Variants in KPNA6 observed in about 807,000 individuals in gnomAD.
The protein encoded by KPNA6 is karyopherin subunit alpha 6.
In KPNA6, 9 loss-of-function variants were observed where a neutral mutation model predicts 72.0. The observed-to-expected ratio is 0.13, with a 90% CI of 0.08 to 0.22. The LOEUF (loss-of-function observed/expected upper bound fraction) is 0.22. KPNA6 is among the 10% of genes least tolerant of loss of function. The pLI, the probability that KPNA6 is intolerant of heterozygous loss-of-function variation, is 1.00. For missense variants in KPNA6, 374 were observed against 655.7 expected (o/e 0.57, Z 4.69); for synonymous variants, 219 against 242.1 (o/e 0.90, Z 0.89).
At position 32,171,674 on chromosome 1, in the gene KPNA6, G is replaced by A. The variant is rs536150851; in HGVS notation, c.*780G>A. The A allele has an allele frequency of 1.3e-5, 2 of 152,196 alleles. No individual in the cohort carries two copies. The highest frequency in any genetic ancestry group is 2.9e-5 in the Non-Finnish European group (2 of 68,066). The allele number at this position is 152,196 out of a possible 1,614,324, so 9.4% of individuals were successfully genotyped here. ...TGAAGTGTCTCAAGTATACCAGTGG[G>A]AGTGCAGGGGAGGAGCACAGGCCTT... On this transcript the variant is annotated 3_prime_UTR_variant, in exon 14 of 14. Transcript: ENST00000373625.
intron 1 of KPNA6, among the ~76,000 whole-genome samples, chr1:32,117,217 G>T (rs1362403664): frequency 6.7e-6 from 1 of 149,960 alleles, no homozygotes; most frequent in Non-Finnish European, 1.5e-5. Context: ...CTGTCACCCA[G>T]GCTGGAGTGC....
intron 1 of KPNA6, among the ~76,000 whole-genome samples, chr1:32,111,290 C>A (rs892400776): frequency 6.6e-6 from 1 of 152,086 alleles, no homozygotes; most frequent in Non-Finnish European, 1.5e-5. Context: ...AAGATTCTTA[C>A]CCATTTTGCA....
At chr1:32,141,417 A>T (rs1641836007) in intron 1 of KPNA6, among the ~76,000 whole-genome samples, 2 of 20,208 alleles carry the variant, frequency 9.9e-5, no homozygotes, top group African/African-American at 1.6e-4. Context: ...TTTTTTTTTG[A>T]GACGGAGTCT....
chr1:32,164,712 T>C (rs1288931064), intron 10 of KPNA6, among the ~76,000 whole-genome samples: 3 of 149,966 alleles, frequency 2.0e-5, no homozygotes, highest in African/African-American at 7.4e-5. Flanking sequence ...TTTGGACACA[T>C]GTCTATTCAA....
intron 1 of KPNA6, among the ~76,000 whole-genome samples, chr1:32,115,228 C>T (rs1308964453): frequency 2.6e-5 from 4 of 151,942 alleles, no homozygotes; most frequent in Admixed American, 6.6e-5. Context: ...CTCGGCCTCC[C>T]GGGTTCACGC....
rs1334476915 is a variant in KPNA6 at position 32,176,238 on chromosome 1, A to G, written c.*5344A>G. 2 of 152,130 alleles carry G rather than the reference A, an allele frequency of 1.3e-5. No individual in the cohort carries two copies. 9.4% of individuals were successfully genotyped at this position (152,130 alleles called of 1,614,324 possible). On this transcript the variant is annotated 3_prime_UTR_variant, in exon 14 of 14. Coordinates refer to ENST00000373625, the MANE Select transcript of KPNA6 (RefSeq NM_012316.5). ...GAGTCCCAGCCACTCAAGAGACTGG[A>G]TATCCCCCGAGAATGGCTTGGGTTA...
At chr1:32,142,936 T>C in intron 1 of KPNA6, 2 of 1,288,732 alleles carry the variant, frequency 1.6e-6, no homozygotes, top group Non-Finnish European at 1.0e-6. Context: ...TCAGCATGGC[T>C]CTCCTCCCAG....
At position 32,115,866 on chromosome 1, in the gene KPNA6, C is replaced by T. The variant is rs573857941; in HGVS notation, c.4+7732C>T. Among the ~76,000 whole-genome samples the T allele has an allele frequency of 4.6e-5, 7 of 152,270 alleles. 1 individual carries two copies. The highest frequency in any genetic ancestry group is 2.0e-4 in the Admixed American group (3 of 15,294). ...TCAAGCGATTCTCCTGCCTCAGCCT[C>T]CCAGGTAGCCAGGATAACAGGTGCC... On this transcript the variant is annotated intron_variant, in intron 1 of 13. Transcript: ENST00000373625.
At chr1:32,125,312 AT>A (rs1477235669) in intron 1 of KPNA6, among the ~76,000 whole-genome samples, 1 of 152,264 alleles carries the variant, frequency 6.6e-6, no homozygotes, top group Non-Finnish European at 1.5e-5. Flanking sequence ...AAGTAAAACA[AT>A]TTGAAACAAT....
At chr1:32,150,615 T>A (rs1007321380) in intron 1 of KPNA6, among the ~76,000 whole-genome samples, 5 of 152,000 alleles carry the variant, frequency 3.3e-5, no homozygotes, top group Non-Finnish European at 5.9e-5. Flanking sequence ...CTGCTTAGCA[T>A]GTATAGTACT....
intron 10 of KPNA6, among the ~76,000 whole-genome samples, chr1:32,165,897 C>T (rs1642325510): frequency 6.6e-6 from 1 of 151,648 alleles, no homozygotes; most frequent in Admixed American, 6.6e-5. Flanking sequence ...TCTTGGGAGG[C>T]TGAGGCTGGA....
intron 4 of KPNA6, 76 bp downstream of exon 4, chr1:32,157,521 C>A: frequency 2.0e-6 from 2 of 1,006,956 alleles, no homozygotes; most frequent in Non-Finnish European, 3.1e-6. Context: ...CATCAACTTA[C>A]ACGTGCCCTC....
chr1:32,156,251 G>A (rs1453044672), intron 2 of KPNA6, among the ~76,000 whole-genome samples: 7 of 151,934 alleles, frequency 4.6e-5, no homozygotes. Flanking sequence ...TCTCTTTGTG[G>A]AATACATTCC....
chr1:32,109,263 G>A (rs1476128501), intron 1 of KPNA6, among the ~76,000 whole-genome samples: 3 of 151,946 alleles, frequency 2.0e-5, no homozygotes, highest in East Asian at 1.9e-4. Flanking sequence ...CCTGCCTCCC[G>A]GGTTCAAGCG....
At chr1:32,120,318 C>T (rs548101502) in intron 1 of KPNA6, among the ~76,000 whole-genome samples, 24 of 149,798 alleles carry the variant, frequency 1.6e-4, no homozygotes, top group African/African-American at 5.2e-4. Flanking sequence ...GATTTTGGCT[C>T]ACTGCAAGCC....
In KPNA6 at chr1:32,115,001, C is replaced by A. The variant is rs1289759869; in HGVS notation, c.4+6867C>A. Among the ~76,000 whole-genome samples, 3 of 152,132 alleles carry A rather than the reference C, an allele frequency of 2.0e-5. No individual in the cohort carries two copies. In the East Asian group the frequency reaches 5.8e-4, roughly 29 times the overall value. On this transcript the variant is annotated intron_variant, in intron 1 of 13. Transcript: ENST00000373625. ...GATTATAGGTGTGTGCCACCACGCC[C>A]AGAACATTTATGTATTTTTATAGAG... is the stretch of plus-strand genomic sequence containing the variant.
At chr1:32,132,548 C>G (rs1359055415) in intron 1 of KPNA6, among the ~76,000 whole-genome samples, 1 of 152,204 alleles carries the variant, frequency 6.6e-6, no homozygotes, top group Admixed American at 6.5e-5. Context: ...CCTCAACCTC[C>G]CAAAGTGGGA....
At chr1:32,154,795 C>G in intron 2 of KPNA6, 74 bp downstream of exon 2, 2 of 1,491,580 alleles carry the variant, frequency 1.3e-6, no homozygotes, top group Non-Finnish European at 1.8e-6. Flanking sequence ...CACCATGCAC[C>G]CTGACTTGCC....
chr1:32,159,334 C>A, intron 5 of KPNA6, 66 bp from the exon 6 acceptor site: 1 of 1,558,466 alleles, frequency 6.4e-7, no homozygotes. Flanking sequence ...CTGTTCTGAG[C>A]CAGCTGATAG....
Sources: allele counts gnomAD v4.1 joint callset (sites outside exome capture counted in the v4.1 genomes callset), GRCh38; gene constraint gnomAD v4.1.1; transcripts MANE v1.5; gene names NCBI Gene and HGNC (gene_info 2026-07-23, HGNC 2026-07-21).